ADGRG2: variants seen among roughly 807,000 people sequenced by gnomAD.
ADGRG2 encodes G protein-coupled receptor 64.
Under a neutral mutation model 74.1 loss-of-function variants are expected in ADGRG2, and 26 were observed. The observed-to-expected ratio is 0.35, with a 90% CI of 0.26 to 0.49. The LOEUF (loss-of-function observed/expected upper bound fraction) is 0.49. ADGRG2 is among the 20% of genes least tolerant of loss of function. ADGRG2 has a pLI of 0.99. For missense variants in ADGRG2, 619 were observed against 763.1 expected (o/e 0.81, Z 2.22); for synonymous variants, 296 against 295.2 (o/e 1.00, Z -0.03).
chrX:19,034,888 G>C (rs1265865289), intron 7 of ADGRG2: 3 of 109,840 alleles, frequency 2.7e-5, no homozygotes, highest in African/African-American at 6.6e-5. Flanking sequence ...GAGCCAAGAA[G>C]GCGCCACTGC....
intron 2 of ADGRG2, among the ~76,000 whole-genome samples, chrX:19,069,444 T>C (rs1287915021): frequency 9.1e-6 from 1 of 110,404 alleles, no homozygotes; most frequent in Non-Finnish European, 1.9e-5. Flanking sequence ...GGCAGGGAAA[T>C]ATTGGGTAGA....
chrX:19,011,323 G>C (rs568678643), intron 16 of ADGRG2, among the ~76,000 whole-genome samples: 1 of 111,761 alleles, frequency 8.9e-6, no homozygotes, highest in Non-Finnish European at 1.9e-5. Context: ...TGGTGGTTAC[G>C]TGACTGTGGG....
At chrX:19,077,415 G>A (rs2061769492) in intron 2 of ADGRG2, among the ~76,000 whole-genome samples, 1 of 104,245 alleles carries the variant, frequency 9.6e-6, no homozygotes, top group South Asian at 4.5e-4. Context: ...TTGGGAGGCT[G>A]AGGCAGGAGA....
chrX:19,084,618 A>C (rs1251286580), intron 1 of ADGRG2, among the ~76,000 whole-genome samples: 1 of 112,429 alleles, frequency 8.9e-6, no homozygotes, highest in African/African-American at 3.2e-5. Context: ...ATCTATTGTG[A>C]CTTGAGTATC....
intron 3 of ADGRG2, among the ~76,000 whole-genome samples, chrX:19,060,800 G>A (rs779895524): frequency 9.0e-6 from 1 of 110,917 alleles, no homozygotes; most frequent in Non-Finnish European, 1.9e-5. Flanking sequence ...CACGTGGCTC[G>A]GCCTCCCAAA....
chrX:18,996,177 A>C (rs2060014940), intron 26 of ADGRG2, 25 bp from the exon 27 acceptor site: 2 of 732,096 alleles, frequency 2.7e-6, no homozygotes, highest in Admixed American at 2.3e-5. Context: ...AAAACCCACA[A>C]TGAATTCCAA....
At position 18,994,878 on chromosome X, in the gene ADGRG2, A is replaced by G. The variant is rs781407451; in HGVS notation, c.2869+18T>C. ...AATAAACACTAGCTTGAGAAATACT[A>G]TATTGAGACATACATACCATTCCCG... On this transcript the variant is annotated intron_variant, in intron 28 of 28. Transcript: ENST00000379869. The G allele has an allele frequency of 8.7e-7, 1 of 1,145,218 alleles. No individual in the cohort carries two copies. Among genetic ancestry groups the G allele is most frequent in the South Asian group, 2.0e-5 (1 of 51,139 alleles). 94.4% of individuals were successfully genotyped at this position (1,145,218 alleles called of 1,213,427 possible). A position where few individuals can be genotyped will look rare whatever the true frequency, so the allele number is the denominator to read the frequency against.
At chrX:19,105,542 A>G (rs939914484) in intron 1 of ADGRG2, among the ~76,000 whole-genome samples, 17 of 110,203 alleles carry the variant, frequency 1.5e-4, no homozygotes, top group Admixed American at 1.5e-3. Context: ...GAACACATGG[A>G]CACAGGGAGG....
At chrX:19,014,714 C>T (rs1474902913) in intron 15 of ADGRG2, among the ~76,000 whole-genome samples, 5 of 111,304 alleles carry the variant, frequency 4.5e-5, no homozygotes, top group Non-Finnish European at 7.5e-5. Context: ...GTCACTGCAA[C>T]CTCCGCCTCC....
chrX:19,117,166 G>A (rs2062533890), intron 1 of ADGRG2, among the ~76,000 whole-genome samples: 2 of 109,355 alleles, frequency 1.8e-5, no homozygotes, highest in Admixed American at 9.8e-5. Flanking sequence ...GTGGTGGCGG[G>A]CACCTGCAAT....
chrX:19,076,805 C>G (rs2061755231), intron 2 of ADGRG2, among the ~76,000 whole-genome samples: 1 of 111,327 alleles, frequency 9.0e-6, no homozygotes, highest in African/African-American at 3.3e-5. Flanking sequence ...ACAATAACAT[C>G]TTGTAGGGAT....
At chrX:19,019,107 A>C (rs1236706575) in intron 15 of ADGRG2, among the ~76,000 whole-genome samples, 2 of 112,260 alleles carry the variant, frequency 1.8e-5, no homozygotes, top group Non-Finnish European at 3.8e-5. Context: ...GGCCTCCCAA[A>C]GTGCTGGGAT....
intron 2 of ADGRG2, among the ~76,000 whole-genome samples, chrX:19,074,715 G>A (rs1490288404): frequency 2.8e-5 from 3 of 106,339 alleles, no homozygotes; most frequent in Admixed American, 1.0e-4. Flanking sequence ...GATTACAGGC[G>A]CCTGCCACCA....
chrX:19,086,906 C>T (rs915027325), intron 1 of ADGRG2, among the ~76,000 whole-genome samples: 9 of 111,066 alleles, frequency 8.1e-5, no homozygotes, highest in African/African-American at 3.0e-4. Flanking sequence ...GAAGAAATGA[C>T]CAGAGGACAA....
chrX:19,083,659 G>A (rs760923935), intron 1 of ADGRG2, among the ~76,000 whole-genome samples: 12 of 111,943 alleles, frequency 1.1e-4, no homozygotes, highest in Admixed American at 9.5e-4. Context: ...TCAGATGCAC[G>A]CTGGGGAAAG....
At chrX:19,119,086 T>C (rs2062571959) in intron 1 of ADGRG2, among the ~76,000 whole-genome samples, 1 of 111,944 alleles carries the variant, frequency 8.9e-6, no homozygotes, top group African/African-American at 3.2e-5. Flanking sequence ...CTTGGAGTGG[T>C]AGAATTCTTC....
In ADGRG2 at chrX:19,009,606, T is replaced by A. The variant is rs766782342; in HGVS notation, c.1422+20A>T. ...TCACACACAAGAGAATGTTTTTTTC[T>A]GCCATCAATTATGATGTACCTGAAG... On this transcript the variant is annotated intron_variant, in intron 18 of 28. Transcript: ENST00000379869. 39 of 1,187,551 alleles carry A rather than the reference T, an allele frequency of 3.3e-5. No individual in the cohort carries two copies. The highest frequency in any genetic ancestry group is 4.5e-5 in the Non-Finnish European group (39 of 874,863).
chrX:19,111,232 T>G (rs1287361322), intron 1 of ADGRG2, among the ~76,000 whole-genome samples: 2 of 110,894 alleles, frequency 1.8e-5, no homozygotes, highest in Non-Finnish European at 3.8e-5. Context: ...TTGGAAAATA[T>G]TGAGTTTGAG....
chrX:19,060,054 G>A (rs1402162171), intron 3 of ADGRG2, among the ~76,000 whole-genome samples: 3 of 111,949 alleles, frequency 2.7e-5, no homozygotes, highest in Non-Finnish European at 3.8e-5. Context: ...ATTGCTTGAA[G>A]CCGGGAGGCG....
Sources: gnomAD v4.1 joint callset for allele counts (sites outside exome capture counted in the v4.1 genomes callset) on GRCh38, gnomAD v4.1.1 for gene constraint, MANE v1.5 for transcripts, NCBI Gene and HGNC (gene_info 2026-07-23, HGNC 2026-07-21) for gene names.